Variants in CHD1 observed in about 807,000 individuals in gnomAD.
CHD1 encodes ATP-dependent chromatin remodeler CHD1.
CHD1 carries 36 observed loss-of-function variants against 224.2 expected under a neutral mutation model. That is an observed-to-expected ratio of 0.16 (90% CI 0.12 to 0.21). The LOEUF (loss-of-function observed/expected upper bound fraction) is 0.21, where lower values mean the gene tolerates loss of function less well. Ranked by LOEUF, CHD1 falls within the 10% of genes least tolerant of loss-of-function variation. CHD1 has a pLI of 1.00. For missense variants in CHD1, 1,378 were observed against 1,994.8 expected (o/e 0.69, Z 5.89); for synonymous variants, 668 against 658.3 (o/e 1.01, Z -0.23).
At chr5:98,872,887 A>T (rs1749463453) in intron 26 of CHD1, among the ~76,000 whole-genome samples, 1 of 152,136 alleles carries the variant, frequency 6.6e-6, no homozygotes, top group African/African-American at 2.4e-5. Context: ...CAGTGGTGCA[A>T]TCATTGCTCA....
intron 12 of CHD1, 82 bp from the exon 13 acceptor site, chr5:98,894,768 C>T (rs1372679184): frequency 6.5e-6 from 4 of 612,312 alleles, no homozygotes; most frequent in African/African-American, 5.7e-5. Flanking sequence ...AAATTAAAAT[C>T]CATTCAAATA....
Position 98,885,116 on chromosome 5 carries a change from C to T in CHD1, c.2568+462G>A, listed in dbSNP as rs926954948. The stretch of plus-strand genomic sequence containing the variant: ...ATAAAGAGTAAAATTCTTGGCTGGG[C>T]GCGGTGGCTTCATGCCTGTAATCCT... On this transcript the variant is annotated intron_variant, in intron 18 of 35. Coordinates refer to ENST00000614616, the MANE Select transcript of CHD1 (RefSeq NM_001270.4). Among the ~76,000 whole-genome samples, 9 of 152,176 alleles carry T rather than the reference C, an allele frequency of 5.9e-5. No individual in the cohort carries two copies. In the South Asian group the frequency reaches 1.2e-3, roughly 21 times the overall value.
chr5:98,895,892 A>G (rs1447535622), intron 12 of CHD1, among the ~76,000 whole-genome samples: 1 of 152,118 alleles, frequency 6.6e-6, no homozygotes, highest in African/African-American at 2.4e-5. Context: ...TGTTATACAG[A>G]CCAAAACAAA....
At chr5:98,923,913 T>C (rs1224182988) in intron 2 of CHD1, among the ~76,000 whole-genome samples, 2 of 152,234 alleles carry the variant, frequency 1.3e-5, no homozygotes, top group African/African-American at 4.8e-5. Context: ...GGTTCCTTTG[T>C]TTCCTCTAGG....
At chr5:98,879,116 C>T (rs1749979072) in intron 23 of CHD1, among the ~76,000 whole-genome samples, 1 of 152,082 alleles carries the variant, frequency 6.6e-6, no homozygotes, top group African/African-American at 2.4e-5. Context: ...CACCTGTAGT[C>T]CCAGCTATTT....
chr5:98,902,180 G>A (rs1457848706), intron 5 of CHD1, among the ~76,000 whole-genome samples: 1 of 151,802 alleles, frequency 6.6e-6, no homozygotes, highest in African/African-American at 2.4e-5. Context: ...CTATTAATAG[G>A]AGGACCAGAG....
chr5:98,861,543 G>A (rs1403344929), intron 32 of CHD1, among the ~76,000 whole-genome samples: 1 of 152,160 alleles, frequency 6.6e-6, no homozygotes, highest in African/African-American at 2.4e-5. Flanking sequence ...TTTCATTCAG[G>A]AAAGAAAGGG....
At chr5:98,877,482 A>C (rs532104948) in intron 23 of CHD1, among the ~76,000 whole-genome samples, 220 of 152,314 alleles carry the variant, frequency 1.4e-3, no homozygotes, top group African/African-American at 5.1e-3. Context: ...CTAACTAGAC[A>C]AATCAGATAT....
At chr5:98,896,516 A>G in intron 11 of CHD1, 74 bp from the exon 12 acceptor site, 1 of 964,666 alleles carries the variant, frequency 1.0e-6, no homozygotes, top group South Asian at 1.5e-5. Flanking sequence ...CATCATGTGT[A>G]TATGTTTTTA....
chr5:98,904,184 A>G (rs1318446949), intron 3 of CHD1, among the ~76,000 whole-genome samples: 2 of 152,164 alleles, frequency 1.3e-5, no homozygotes, highest in Admixed American at 6.5e-5. Context: ...TGCTACTCAT[A>G]GTGTGGTTAC....
intron 7 of CHD1, 131 bp from the exon 8 acceptor site, chr5:98,899,836 T>A: frequency 1.7e-6 from 1 of 605,868 alleles, no homozygotes; most frequent in Non-Finnish European, 2.8e-6. Flanking sequence ...GTATAGAAAC[T>A]TATGGGAAAT....
At chr5:98,898,154 T>A in intron 10 of CHD1, 102 bp downstream of exon 10, 1 of 572,532 alleles carries the variant, frequency 1.7e-6, no homozygotes. Context: ...TATTCTCCCT[T>A]AGTCTATCTG....
At chr5:98,871,372 A>C (rs1377632883) in intron 28 of CHD1, among the ~76,000 whole-genome samples, 1 of 89,378 alleles carries the variant, frequency 1.1e-5, no homozygotes, top group Non-Finnish European at 2.7e-5. Context: ...TTTTAGGCAA[A>C]AAAAAAAAAA....
At chr5:98,897,806 T>C (rs1291967996) in intron 10 of CHD1, among the ~76,000 whole-genome samples, 4 of 152,212 alleles carry the variant, frequency 2.6e-5, no homozygotes, top group Admixed American at 6.5e-5. Context: ...GAAAGTATTG[T>C]GCAAGGTAGT....
chr5:98,904,891 G>A lies in CHD1; in HGVS notation c.255+6C>T. The stretch of plus-strand genomic sequence containing the variant: ...TCTACCTTTCATTGGGTATTTTATT[G>A]ATTACCTCAGCTCCATCAACTTTCG... On this transcript the variant is annotated splice_donor_region_variant and intron_variant, in intron 3 of 35. Coordinates refer to ENST00000614616, the MANE Select transcript of CHD1 (RefSeq NM_001270.4). 1.2e-6 allele frequency: 2 copies of A among 1,613,302 alleles called. No individual in the cohort carries two copies. Among genetic ancestry groups the A allele is most frequent in the Non-Finnish European group, 1.7e-6 (2 of 1,179,382 alleles).
Position 98,898,295 on chromosome 5 carries a change from G to T in CHD1, c.1326C>A (p.Ser442Arg). Residue 442 changes from serine to arginine, a missense_variant, in exon 10 of 36, where the codon AGC becomes AGA. By Grantham distance (110) the Ser-to-Arg change is moderately radical. Around this residue, in one of 16 missense-constraint regions of CHD1, gnomAD observed 86 missense variants for 97.7 expected, o/e 0.88. Transcript: ENST00000614616. ...AAGGAGTGGTTTTTGATTGGTTCCT[G>T]CTAAAATACTCATCAATGCATGCTT... is the stretch of plus-strand genomic sequence containing the variant. ...KFQACIDEYF[S>R]RNQSKTTPFK... 6.3e-7 allele frequency: 1 copy of T among 1,579,626 alleles called. No homozygotes were observed. Among genetic ancestry groups the T allele is most frequent in the Non-Finnish European group, 8.6e-7 (1 of 1,164,318 alleles).
intron 5 of CHD1, among the ~76,000 whole-genome samples, chr5:98,902,107 C>A (rs1011009073): frequency 4.0e-5 from 6 of 151,036 alleles, no homozygotes; most frequent in African/African-American, 1.5e-4. Flanking sequence ...GCTTGCACAC[C>A]GAAAAAAAGT....
At position 98,859,967 on chromosome 5, in the gene CHD1, T is replaced by C; in HGVS notation, c.4524+5A>G. ...TTCAGGGAAAAAATATGATGTCAAG[T>C]TTACCTGAGACTCCTGCCGTTTTTT... On this transcript the variant is annotated splice_donor_5th_base_variant and intron_variant, in intron 33 of 35. Transcript: ENST00000614616. The C allele has an allele frequency of 6.9e-7, 1 of 1,439,770 alleles. No individual in the cohort carries two copies. 89.2% of individuals were successfully genotyped at this position (1,439,770 alleles called of 1,614,324 possible).
chr5:98,922,809 C>T (rs916275752), intron 2 of CHD1, among the ~76,000 whole-genome samples: 5 of 151,996 alleles, frequency 3.3e-5, no homozygotes, highest in African/African-American at 1.2e-4. Context: ...GCCAACATGA[C>T]GAAACACCGT....
Sources: allele counts gnomAD v4.1 joint callset (sites outside exome capture counted in the v4.1 genomes callset), GRCh38; gene constraint gnomAD v4.1.1; regional missense constraint gnomAD v4.1.1; transcripts MANE v1.5; gene names NCBI Gene and HGNC (gene_info 2026-07-23, HGNC 2026-07-21).